The following CCDC171 variants were observed in gnomAD, a reference collection of about 807,000 sequenced individuals.
CCDC171 encodes the protein coiled-coil domain containing 171, also known as coiled-coil domain-containing protein 171.
Under a neutral mutation model 168.2 loss-of-function variants are expected in CCDC171, and 177 were observed. That is an observed-to-expected ratio of 1.05 (90% CI 0.93 to 1.19). The LOEUF (loss-of-function observed/expected upper bound fraction) is 1.19. CCDC171 is among the 50% of genes most tolerant of loss of function. The probability of loss-of-function intolerance (pLI) is 0.00; values close to 1 mark genes in which losing one functional copy is unlikely to be tolerated. For synonymous variants in CCDC171, 687 were observed against 540.8 expected, an observed-to-expected ratio of 1.27 and a Z score of -3.75; for missense variants, 1,991 against 1,539.0, an observed-to-expected ratio of 1.29 and a Z score of -4.91.
At chr9:15,800,743 G>T (rs1014928913) in intron 21 of CCDC171, among the ~76,000 whole-genome samples, 3 of 151,978 alleles carry the variant, frequency 2.0e-5, no homozygotes, top group Non-Finnish European at 4.4e-5. Context: ...TTTATAGTTT[G>T]AGCTGTTAGA....
intron 7 of CCDC171, among the ~76,000 whole-genome samples, chr9:15,635,501 C>T (rs1290089732): frequency 1.3e-5 from 2 of 152,164 alleles, no homozygotes; most frequent in Non-Finnish European, 2.9e-5. Context: ...CTCAGCAAGT[C>T]TCCCCATTCC....
At chr9:15,651,324 G>C (rs980800305) in intron 7 of CCDC171, among the ~76,000 whole-genome samples, 20 of 151,878 alleles carry the variant, frequency 1.3e-4, no homozygotes, top group African/African-American at 4.8e-4. Flanking sequence ...GGCCAGCCTG[G>C]TCTTGAACTC....
At chr9:16,017,732 G>A (rs1038926903) in intron 3 of CCDC171, among the ~76,000 whole-genome samples, 2 of 152,038 alleles carry the variant, frequency 1.3e-5, no homozygotes, top group African/African-American at 4.8e-5. Flanking sequence ...ACTGACCTTG[G>A]GTGAACTTGA....
downstream of CCDC171, among the ~76,000 whole-genome samples, chr9:15,974,498 G>A (rs557199233): frequency 3.3e-5 from 5 of 152,250 alleles, no homozygotes; most frequent in East Asian, 1.9e-4. Context: ...TTACACTTCC[G>A]AATGTGGATT....
intron 24 of CCDC171, among the ~76,000 whole-genome samples, chr9:15,891,224 T>C (rs1820172384): frequency 6.6e-6 from 1 of 152,134 alleles, no homozygotes; most frequent in Non-Finnish European, 1.5e-5. Flanking sequence ...AATGTGTGGA[T>C]GTGTGGATGT....
chr9:15,757,809 T>C (rs1016947281), intron 18 of CCDC171, among the ~76,000 whole-genome samples: 1 of 152,182 alleles, frequency 6.6e-6, no homozygotes, highest in Non-Finnish European at 1.5e-5. Context: ...GGGGCCAACG[T>C]AGAGCTTGGT....
intron 10 of CCDC171, among the ~76,000 whole-genome samples, chr9:15,683,177 G>C (rs7035863): frequency 0.54 from 82,194 of 151,696 alleles, 22,565 homozygotes; most frequent in East Asian, 0.76. Flanking sequence ...GGAGGTTTTG[G>C]TCAAAGAATG....
intron 7 of CCDC171, among the ~76,000 whole-genome samples, chr9:15,656,515 A>T (rs1234440985): frequency 6.6e-6 from 1 of 152,236 alleles, no homozygotes; most frequent in Non-Finnish European, 1.5e-5. Flanking sequence ...AGATAAACCA[A>T]TTGTGGTCTA....
intron 21 of CCDC171, among the ~76,000 whole-genome samples, chr9:15,836,190 G>A (rs2060440771): frequency 6.6e-6 from 1 of 152,056 alleles, no homozygotes; most frequent in African/African-American, 2.4e-5. Context: ...CTATGTTGCA[G>A]TGACAAATAA....
chr9:15,981,685 T>G (rs1831801737), intron 3 of CCDC171, among the ~76,000 whole-genome samples: 1 of 152,174 alleles, frequency 6.6e-6, no homozygotes, highest in Non-Finnish European at 1.5e-5. Flanking sequence ...CCAGAAAAAC[T>G]GGGAGATTCT....
chr9:15,665,910 A>G (rs1473680188), intron 8 of CCDC171, among the ~76,000 whole-genome samples: 2 of 152,316 alleles, frequency 1.3e-5, no homozygotes, highest in East Asian at 1.9e-4. Flanking sequence ...CTTTGATAGA[A>G]TGGGTTATAT....
intron 21 of CCDC171, among the ~76,000 whole-genome samples, chr9:15,797,356 A>G (rs925802616): frequency 6.6e-6 from 1 of 152,112 alleles, no homozygotes; most frequent in Non-Finnish European, 1.5e-5. Flanking sequence ...AGCTAGGACT[A>G]CAGGCGCATG....
chr9:15,973,435 G>C lies in CCDC171; in HGVS notation c.*1599G>C, dbSNP rs1415495080. On this transcript the variant is annotated 3_prime_UTR_variant, in exon 26 of 26. Transcript: ENST00000380701. ...ATTTATTAGTAGCCAAATTAGCCAA[G>C]TGATTTATGCCATCTGAGGGAACAC... 2 of 152,044 alleles carry C rather than the reference G, an allele frequency of 1.3e-5. No individual in the cohort carries two copies. Among genetic ancestry groups the C allele is most frequent in the African/African-American group, 2.4e-5 (1 of 41,394 alleles). 9.4% of individuals were successfully genotyped at this position (152,044 alleles called of 1,614,324 possible).
chr9:15,862,077 A>G (rs2061583980), intron 23 of CCDC171, among the ~76,000 whole-genome samples: 1 of 151,376 alleles, frequency 6.6e-6, no homozygotes, highest in African/African-American at 2.4e-5. Context: ...TCTGGCTTGC[A>G]AAGTTTGAGC....
At position 15,632,885 on chromosome 9, in the gene CCDC171, G is replaced by C. The variant is rs142340007; in HGVS notation, c.822+9472G>C. 6.1e-3 allele frequency among the ~76,000 whole-genome samples: 926 copies of C among 152,284 alleles called. 7 individuals are homozygous for C. Among genetic ancestry groups the C allele is most frequent in the African/African-American group, 0.022 (901 of 41,556 alleles). On this transcript the variant is annotated intron_variant, in intron 7 of 25. Coordinates refer to ENST00000380701, the MANE Select transcript of CCDC171 (RefSeq NM_173550.4). ...TAATGCCGCATATCTATGACTATCT[G>C]ATCTTTGACAAACCTGAGAAAAACA...
chr9:15,925,064 A>T (rs1029720939), intron 25 of CCDC171, among the ~76,000 whole-genome samples: 1 of 151,640 alleles, frequency 6.6e-6, no homozygotes, highest in Admixed American at 6.6e-5. Context: ...TCTTGGAGAT[A>T]TCATACGAAC....
intron 3 of CCDC171, among the ~76,000 whole-genome samples, chr9:15,997,455 G>A (rs1832409344): frequency 6.6e-6 from 1 of 152,150 alleles, no homozygotes; most frequent in Admixed American, 6.5e-5. Context: ...TTTTGTTGAA[G>A]GGAGTTCAGA....
intron 1 of CCDC171, among the ~76,000 whole-genome samples, chr9:15,554,012 C>T (rs1024059742): frequency 5.5e-5 from 8 of 144,646 alleles, no homozygotes; most frequent in African/African-American, 1.5e-4. Context: ...AAAGAACATA[C>T]GATTTTGTCA....
At chr9:16,072,458 T>C in the CCDC171 span, among the ~76,000 whole-genome samples, 3 of 152,190 alleles carry the variant, frequency 2.0e-5, no homozygotes, top group Non-Finnish European at 4.4e-5. Flanking sequence ...GTTCTCCTTT[T>C]CCTTATCTTA....
Sources: gnomAD v4.1 joint callset for allele counts (sites outside exome capture counted in the v4.1 genomes callset) on GRCh38, gnomAD v4.1.1 for gene constraint, MANE v1.5 for transcripts, NCBI Gene and HGNC (gene_info 2026-07-23, HGNC 2026-07-21) for gene names.